Variants in DLG2 observed in about 807,000 individuals in gnomAD.
The protein encoded by DLG2 is disks large homolog 2.
In DLG2, 45 loss-of-function variants were observed where a neutral mutation model predicts 132.5. That is an observed-to-expected ratio of 0.34 (90% CI 0.27 to 0.44). The LOEUF is 0.44. Among genes scored for constraint, DLG2 ranks in the 20% least tolerant of loss-of-function variants. The probability of loss-of-function intolerance (pLI) is 1.00; values close to 1 mark genes in which losing one functional copy is unlikely to be tolerated. For missense variants in DLG2, 1,045 were observed against 1,196.9 expected, an observed-to-expected ratio of 0.87 and a Z score of 1.87; for synonymous variants, 424 against 419.6, an observed-to-expected ratio of 1.01 and a Z score of -0.13.
At chr11:84,197,905 T>C (rs567334583) in intron 8 of DLG2, among the ~76,000 whole-genome samples, 83 of 152,284 alleles carry the variant, frequency 5.5e-4, no homozygotes, top group African/African-American at 1.9e-3. Context: ...TATGGGGATA[T>C]AGGATTTAGA....
At chr11:83,559,374 G>A (rs1231296877) in intron 19 of DLG2, among the ~76,000 whole-genome samples, 1 of 152,122 alleles carries the variant, frequency 6.6e-6, no homozygotes, top group Non-Finnish European at 1.5e-5. Flanking sequence ...TTCCTGTTGT[G>A]TGTATCAACA....
At chr11:84,352,323 C>T (rs914604025) in intron 7 of DLG2, among the ~76,000 whole-genome samples, 2 of 152,140 alleles carry the variant, frequency 1.3e-5, no homozygotes, top group African/African-American at 2.4e-5. Context: ...TAATAATACA[C>T]ACACCACAAG....
chr11:84,731,825 A>T (rs2063189218), intron 6 of DLG2, among the ~76,000 whole-genome samples: 1 of 152,020 alleles, frequency 6.6e-6, no homozygotes, highest in Non-Finnish European at 1.5e-5. Context: ...AAATCTGGTA[A>T]TTTTCAACAT....
intron 7 of DLG2, among the ~76,000 whole-genome samples, chr11:84,410,137 T>C (rs909565793): frequency 7.2e-5 from 11 of 152,222 alleles, no homozygotes; most frequent in African/African-American, 1.4e-4. Flanking sequence ...TCTGGTAATC[T>C]TAACAACAAA....
chr11:83,558,310 T>TA (rs2096553637), intron 19 of DLG2, among the ~76,000 whole-genome samples: 1 of 152,188 alleles, frequency 6.6e-6, no homozygotes, highest in Non-Finnish European at 1.5e-5. Flanking sequence ...GTCAGAAATT[T>TA]AAAAAATTTT....
chr11:85,431,443 C>A (rs1308501869), intron 3 of DLG2, among the ~76,000 whole-genome samples: 1 of 152,236 alleles, frequency 6.6e-6, no homozygotes, highest in Non-Finnish European at 1.5e-5. Context: ...GCACAGACTA[C>A]CAGGACCTTG....
intron 11 of DLG2, among the ~76,000 whole-genome samples, chr11:84,037,066 C>A (rs969032165): frequency 9.2e-5 from 14 of 152,084 alleles, no homozygotes; most frequent in Admixed American, 8.5e-4. Context: ...GACAGATAAG[C>A]AAGTGAATAC....
chr11:85,079,900 G>C (rs569353038), intron 6 of DLG2, among the ~76,000 whole-genome samples: 1 of 152,172 alleles, frequency 6.6e-6, no homozygotes, highest in African/African-American at 2.4e-5. Flanking sequence ...AAAGTGCTGG[G>C]ATTACAGACA....
intron 3 of DLG2, among the ~76,000 whole-genome samples, chr11:85,540,741 C>A (rs533251357): frequency 6.6e-6 from 1 of 152,334 alleles, no homozygotes; most frequent in East Asian, 1.9e-4. Flanking sequence ...ACTGGGACTT[C>A]GGGAGCTATA....
chr11:84,848,554 T>C (rs1336260731), intron 6 of DLG2, among the ~76,000 whole-genome samples: 1 of 152,044 alleles, frequency 6.6e-6, no homozygotes, highest in Non-Finnish European at 1.5e-5. Flanking sequence ...AACTCCAGCT[T>C]TTTACATGGA....
intron 7 of DLG2, among the ~76,000 whole-genome samples, chr11:84,405,409 T>C (rs575503466): frequency 1.3e-5 from 2 of 152,194 alleles, no homozygotes; most frequent in African/African-American, 4.8e-5. Context: ...GTCACTTCTG[T>C]CTTCCGTACC....
intron 4 of DLG2, among the ~76,000 whole-genome samples, chr11:85,220,275 G>A (rs1447542578): frequency 6.6e-6 from 1 of 152,042 alleles, no homozygotes; most frequent in East Asian, 1.9e-4. Flanking sequence ...TTAACGTGGT[G>A]ACTAAAGAAG....
At chr11:84,453,870 T>C (rs1292622337) in intron 7 of DLG2, among the ~76,000 whole-genome samples, 1 of 151,642 alleles carries the variant, frequency 6.6e-6, no homozygotes, top group Non-Finnish European at 1.5e-5. Flanking sequence ...GGAGGGTCTG[T>C]AGCCTCTGTG....
chr11:84,331,839 A>T (rs1362751890), intron 7 of DLG2, among the ~76,000 whole-genome samples: 1 of 152,158 alleles, frequency 6.6e-6, no homozygotes, highest in Non-Finnish European at 1.5e-5. Context: ...CTCACGCATA[A>T]GCCAATAAAA....
At chr11:84,464,066 G>A (rs990322359) in intron 7 of DLG2, among the ~76,000 whole-genome samples, 2 of 151,140 alleles carry the variant, frequency 1.3e-5, no homozygotes, top group Non-Finnish European at 1.5e-5. Flanking sequence ...GGTTACCCTT[G>A]CAATGAGTTG....
intron 6 of DLG2, among the ~76,000 whole-genome samples, chr11:84,790,287 G>A (rs1428746164): frequency 2.6e-5 from 4 of 151,902 alleles, no homozygotes; most frequent in Non-Finnish European, 5.9e-5. Context: ...TTTTAACTGG[G>A]GTGAGATGAT....
intron 6 of DLG2, among the ~76,000 whole-genome samples, chr11:84,670,583 A>C (rs920999207): frequency 6.6e-6 from 1 of 152,132 alleles, no homozygotes; most frequent in Admixed American, 6.6e-5. Context: ...CTGGTGGCAT[A>C]ATATAATAAT....
chr11:84,752,971 T>A (rs891984346), intron 6 of DLG2, among the ~76,000 whole-genome samples: 3 of 152,098 alleles, frequency 2.0e-5, no homozygotes, highest in African/African-American at 2.4e-5. Context: ...TCTATCATTG[T>A]TGGACATTTG....
At chr11:83,535,695 C>T (rs1384506176) in intron 20 of DLG2, among the ~76,000 whole-genome samples, 2 of 151,990 alleles carry the variant, frequency 1.3e-5, no homozygotes, top group African/African-American at 2.4e-5. Context: ...AGGTCACATA[C>T]TTCCAGTTCA....
Sources: gnomAD v4.1 joint callset for allele counts (sites outside exome capture counted in the v4.1 genomes callset) on GRCh38, gnomAD v4.1.1 for gene constraint, MANE v1.5 for transcripts, NCBI Gene and HGNC (gene_info 2026-07-23, HGNC 2026-07-21) for gene names.